The following FBXW8 variants were observed in gnomAD, a reference collection of about 807,000 sequenced individuals.
FBXW8 encodes the protein F-box and WD repeat domain containing 8, also known as F-box/WD repeat-containing protein 8.
FBXW8 carries 57 observed loss-of-function variants against 65.3 expected under a neutral mutation model. That is an observed-to-expected ratio of 0.87 (90% CI 0.71 to 1.09). The LOEUF (loss-of-function observed/expected upper bound fraction) is 1.09. Ranked by LOEUF, FBXW8 falls within the 50% of genes least tolerant of loss-of-function variation. FBXW8 has a pLI of 0.00. For synonymous variants in FBXW8, 308 were observed against 330.2 expected, an observed-to-expected ratio of 0.93 and a Z score of 0.73; for missense variants, 777 against 814.8, an observed-to-expected ratio of 0.95 and a Z score of 0.57.
intron 7 of FBXW8, among the ~76,000 whole-genome samples, chr12:116,995,032 C>A (rs2135685773): frequency 6.6e-6 from 1 of 152,312 alleles, no homozygotes; most frequent in Middle Eastern, 3.4e-3. Context: ...AGAAAGATCA[C>A]AAGATGAGGC....
At chr12:116,985,091 C>A in intron 5 of FBXW8, 115 bp from the exon 6 acceptor site, 1 of 816,726 alleles carries the variant, frequency 1.2e-6, no homozygotes, top group South Asian at 2.1e-5. Flanking sequence ...AGACTTGGGT[C>A]TCATTTCCAA....
At chr12:117,024,015 ATGTT>A (rs1251210476) in intron 8 of FBXW8, 128 bp from the exon 9 acceptor site, 3 of 842,634 alleles carry the variant, frequency 3.6e-6, no homozygotes, top group South Asian at 3.6e-5. Flanking sequence ...CTTATTATCG[ATGTT>A]TGTTTGCAGC....
At chr12:116,958,525 C>G (rs1173977033) in intron 4 of FBXW8, among the ~76,000 whole-genome samples, 1 of 152,224 alleles carries the variant, frequency 6.6e-6, no homozygotes, top group Non-Finnish European at 1.5e-5. Flanking sequence ...ATTCCGTCAA[C>G]ACCCACTAAG....
At chr12:117,003,550 TC>T (rs1953595151) in intron 7 of FBXW8, among the ~76,000 whole-genome samples, 2 of 152,376 alleles carry the variant, frequency 1.3e-5, no homozygotes, top group Admixed American at 1.3e-4. Context: ...GACTATTTCT[TC>T]CAGCACCTCA....
At chr12:117,017,881 C>T (rs1424633541) in intron 8 of FBXW8, among the ~76,000 whole-genome samples, 2 of 152,080 alleles carry the variant, frequency 1.3e-5, no homozygotes, top group African/African-American at 4.8e-5. Flanking sequence ...GAGTTGTGAC[C>T]CCCCAATTAC....
At chr12:116,939,060 C>CA (rs1326653635) in intron 2 of FBXW8, among the ~76,000 whole-genome samples, 2 of 152,122 alleles carry the variant, frequency 1.3e-5, no homozygotes, top group African/African-American at 2.4e-5. Flanking sequence ...ACCGGTAACC[C>CA]AAATCAGTGT....
At chr12:116,931,094 T>C (rs1305661101) in intron 2 of FBXW8, among the ~76,000 whole-genome samples, 1 of 152,260 alleles carries the variant, frequency 6.6e-6, no homozygotes, top group Non-Finnish European at 1.5e-5. Flanking sequence ...AATTTCATTC[T>C]TCTGTATGTG....
intron 3 of FBXW8, among the ~76,000 whole-genome samples, chr12:116,947,750 A>AAACAG (rs1555219001): frequency 7.3e-6 from 1 of 137,660 alleles, no homozygotes; most frequent in Non-Finnish European, 1.5e-5. Flanking sequence ...AAAAAAAAAA[A>AAACAG]AAAAGAAAAG....
intron 2 of FBXW8, among the ~76,000 whole-genome samples, chr12:116,937,542 T>C (rs1882251402): frequency 6.6e-6 from 1 of 152,140 alleles, no homozygotes; most frequent in Non-Finnish European, 1.5e-5. Context: ...ATCAAAGGTG[T>C]TAAGCGCTGT....
intron 7 of FBXW8, among the ~76,000 whole-genome samples, chr12:116,996,419 T>C (rs747995428): frequency 1.9e-4 from 29 of 152,024 alleles, no homozygotes; most frequent in Non-Finnish European, 4.0e-4. Flanking sequence ...GAATCAGAAA[T>C]GCAGTGCGCA....
intron 4 of FBXW8, among the ~76,000 whole-genome samples, chr12:116,957,782 G>A (rs1883744347): frequency 6.6e-6 from 1 of 152,180 alleles, no homozygotes; most frequent in Non-Finnish European, 1.5e-5. Context: ...TTACCCGTTA[G>A]GGACCTCTTT....
At position 116,985,268 on chromosome 12, in the gene FBXW8, G is replaced by A; in HGVS notation, c.898G>A (p.Ala300Thr). Reference sequence around the variant, plus strand: ...CCCTGTTCATCGTTTTGAGCACGATGCAAGAATACAGGCACTAGCCCTCAG... The same window carrying A: ...CCCTGTTCATCGTTTTGAGCACGATACAAGAATACAGGCACTAGCCCTCAG... ...KYPVHRFEHD[A>T]RIQALALSQD... Residue 300 changes from alanine (A) to threonine (T), a missense_variant, in exon 6 of 11, where the codon GCA becomes ACA. Physicochemically the swap from Ala to Thr is moderately conservative, Grantham distance 58. Transcript: ENST00000652555. 1 of 1,614,158 alleles carries A rather than the reference G, an allele frequency of 6.2e-7. No individual in the cohort carries two copies. The highest frequency in any genetic ancestry group is 1.1e-5 in the South Asian group (1 of 91,064).
chr12:116,964,973 G>A (rs936574303), intron 5 of FBXW8, 119 bp downstream of exon 5: 13 of 996,388 alleles, frequency 1.3e-5, no homozygotes, highest in African/African-American at 3.3e-5. Context: ...ACACACACAT[G>A]TTCACACACA....
At chr12:117,022,985 T>C (rs1954136808) in intron 8 of FBXW8, among the ~76,000 whole-genome samples, 1 of 152,224 alleles carries the variant, frequency 6.6e-6, no homozygotes, top group Non-Finnish European at 1.5e-5. Flanking sequence ...TGTCTTCTTG[T>C]TCTGGTATTT....
Position 117,027,424 on chromosome 12 carries a change from CCA to C in FBXW8, c.1575_1576del (p.His525GlnfsTer35), listed in dbSNP as rs776749333. 6.2e-7 allele frequency: 1 copy of C among 1,614,048 alleles called. No individual in the cohort carries two copies. The highest frequency in any genetic ancestry group is 8.5e-7 in the Non-Finnish European group (1 of 1,180,034). ...CGGTGCAGCACATCTCATTCAGCAG[CCA>C]CAGCCTCATCACGGCCAACGTGCCT... Reference protein sequence around the residue: ...HPVQHISFSSHSLITANVPYQ... With the variant: ...HPVQHISFSSXSLITANVPYQ... On this transcript the variant is annotated frameshift_variant, in exon 10 of 11. Coordinates refer to ENST00000652555, the MANE Select transcript of FBXW8 (RefSeq NM_153348.3). LOFTEE classifies it high-confidence loss of function.
At chr12:116,911,455 T>A in intron 1 of FBXW8, 100 bp downstream of exon 1, 1 of 869,238 alleles carries the variant, frequency 1.2e-6, no homozygotes, top group South Asian at 6.0e-5. Flanking sequence ...TGCCACTAGT[T>A]GCCCGAGAAA....
intron 1 of FBXW8, among the ~76,000 whole-genome samples, chr12:116,917,563 C>T (rs749009331): frequency 2.0e-5 from 3 of 152,230 alleles, no homozygotes; most frequent in Non-Finnish European, 4.4e-5. Flanking sequence ...GTATCCATCA[C>T]TAGAGAGAGA....
At chr12:116,947,354 A>G (rs1220572946) in intron 3 of FBXW8, among the ~76,000 whole-genome samples, 1 of 152,160 alleles carries the variant, frequency 6.6e-6, no homozygotes, top group Non-Finnish European at 1.5e-5. Flanking sequence ...CAGTGTTAAC[A>G]AGGAGAATTC....
chr12:116,933,331 A>G (rs1881915934), intron 2 of FBXW8, among the ~76,000 whole-genome samples: 1 of 152,234 alleles, frequency 6.6e-6, no homozygotes, highest in South Asian at 2.1e-4. Flanking sequence ...ATTTCTTTTA[A>G]CATTGCTTTT....
Sources: allele counts gnomAD v4.1 joint callset (sites outside exome capture counted in the v4.1 genomes callset), GRCh38; gene constraint gnomAD v4.1.1; transcripts MANE v1.5; gene names NCBI Gene and HGNC (gene_info 2026-07-23, HGNC 2026-07-21).